The following PSTPIP1 variants were observed in gnomAD, a reference collection of about 807,000 sequenced individuals.
The protein encoded by PSTPIP1 is proline-serine-threonine phosphatase interacting protein 1, also known as proline-serine-threonine phosphatase-interacting protein 1.
In PSTPIP1, 66 loss-of-function variants were observed where a neutral mutation model predicts 69.6. That is an observed-to-expected ratio of 0.95 (90% confidence interval 0.78 to 1.16). The LOEUF is 1.16. Among genes scored for constraint, PSTPIP1 ranks in the 50% most tolerant of loss-of-function variants. PSTPIP1 has a pLI of 0.00. For synonymous variants in PSTPIP1, 266 were observed against 222.7 expected (o/e 1.19, Z -1.73); for missense variants, 603 against 557.4 (o/e 1.08, Z -0.82).
intron 1 of PSTPIP1, among the ~76,000 whole-genome samples, chr15:77,000,479 A>G (rs2075682613): frequency 6.7e-6 from 1 of 148,862 alleles, no homozygotes; most frequent in African/African-American, 2.5e-5. Flanking sequence ...ATATATATAC[A>G]CACACACACA....
rs1351984397 is a variant in PSTPIP1 at position 77,032,866 on chromosome 15, G to C, written c.843G>C (p.Pro281=). The change falls in exon 12 of 15, where the codon CCG becomes CCC. Residue 281 remains proline (P), a synonymous_variant. Coordinates refer to ENST00000558012, the MANE Select transcript of PSTPIP1 (RefSeq NM_003978.5). ...AKSTGTEPPA[P]VPYQNYYDRE... The stretch of plus-strand genomic sequence containing the variant: ...CTCACGGCTTGCTGTCTGCAGCTCC[G>C]GTGCCCTACCAGAACTATTACGATC... 2 of 1,581,778 alleles carry C rather than the reference G, an allele frequency of 1.3e-6. No homozygotes were observed. Among genetic ancestry groups the C allele is most frequent in the Non-Finnish European group, 1.7e-6 (2 of 1,164,494 alleles).
At chr15:77,036,179 C>T (rs1163428255) in intron 14 of PSTPIP1, among the ~76,000 whole-genome samples, 1 of 152,208 alleles carries the variant, frequency 6.6e-6, no homozygotes, top group East Asian at 1.9e-4. Flanking sequence ...TGTGCATGTA[C>T]TGACTGGAAG....
chr15:77,035,748 C>T (rs1225393708), intron 13 of PSTPIP1, 54 bp from the exon 14 acceptor site: 2 of 1,486,620 alleles, frequency 1.3e-6, no homozygotes, highest in Non-Finnish European at 1.8e-6. Context: ...AGTAGGACTT[C>T]CAGGGGCCAG....
chr15:77,031,145 C>T, intron 9 of PSTPIP1, 35 bp from the exon 10 acceptor site: 1 of 1,595,282 alleles, frequency 6.3e-7, no homozygotes, highest in Non-Finnish European at 8.6e-7. Flanking sequence ...CTGCAGCCGC[C>T]TCCTCACTGC....
chr15:77,033,528 C>T (rs934978428), intron 12 of PSTPIP1, among the ~76,000 whole-genome samples: 1 of 152,180 alleles, frequency 6.6e-6, no homozygotes, highest in Non-Finnish European at 1.5e-5. Flanking sequence ...GCACTATAGC[C>T]AGCTTAGGGA....
intron 14 of PSTPIP1, among the ~76,000 whole-genome samples, 171 bp from the exon 15 acceptor site, chr15:77,036,874 G>A (rs941013257): frequency 3.3e-5 from 5 of 152,134 alleles, no homozygotes; most frequent in Admixed American, 1.3e-4. Flanking sequence ...TGAGGGGGAT[G>A]GGAGGCCCGG....
In PSTPIP1 at chr15:76,995,172, GGCCCGGCCCGAGCT is replaced by G; in HGVS notation, c.-401_-388del. The G allele has an allele frequency of 2.5e-6, 3 of 1,192,106 alleles. No individual in the cohort carries two copies. The highest frequency in any genetic ancestry group is 3.2e-6 in the Non-Finnish European group (3 of 947,794). 73.8% of individuals were successfully genotyped at this position (1,192,106 alleles called of 1,614,324 possible). On this transcript the variant is annotated 5_prime_UTR_variant, in exon 1 of 15. Transcript: ENST00000558012. ...GGGCTGCCTGCCTGCCTGCCTGCCT[GGCCCGGCCCGAGCT>G]CCAGCCTGCCTCTTCCACTGGCCAC...
chr15:77,020,869 G>A (rs1030668585), intron 3 of PSTPIP1, among the ~76,000 whole-genome samples: 2 of 8,700 alleles, frequency 2.3e-4, no homozygotes, highest in Admixed American at 1.4e-3. Context: ...AGACTCCTGT[G>A]GGGGGGGGGG....
intron 1 of PSTPIP1, among the ~76,000 whole-genome samples, chr15:77,014,740 G>A (rs1017070136): frequency 2.6e-5 from 4 of 152,242 alleles, no homozygotes; most frequent in Non-Finnish European, 4.4e-5. Context: ...GGCCTGGGCC[G>A]TGGCTCACAC....
In PSTPIP1 at chr15:77,036,969, G is replaced by A. The variant is rs1484912532; in HGVS notation, c.1120-76G>A. The A allele has an allele frequency of 3.2e-6, 5 of 1,558,884 alleles. No homozygotes were observed. The African/African-American group carries it at 4.1e-5, about 13-fold the overall frequency. On this transcript the variant is annotated intron_variant, in intron 14 of 14. Transcript: ENST00000558012. ...CATGCCGCATTTACTGCTGGGTGGG[G>A]GAACGCCAGGCCCCTCCCTGCAGGC...
chr15:77,001,011 C>T (rs80246505), intron 1 of PSTPIP1, among the ~76,000 whole-genome samples: 2,876 of 152,232 alleles, frequency 0.019, 97 homozygotes, highest in African/African-American at 0.066. Flanking sequence ...TCGGGAACAC[C>T]TGTGGGTGTG....
intron 13 of PSTPIP1, 71 bp from the exon 14 acceptor site, chr15:77,035,731 C>A: frequency 6.5e-7 from 1 of 1,532,258 alleles, no homozygotes; most frequent in Non-Finnish European, 8.7e-7. Context: ...TGGAGAAACC[C>A]CATTCTAGTA....
chr15:77,018,205 G>T lies in PSTPIP1; in HGVS notation c.94G>T (p.Gly32Cys). The change falls in exon 2 of 15, where the codon GGC becomes TGC. Residue 32 changes from glycine (G) to cysteine (C), a missense_variant. By Grantham distance (159) the Gly-to-Cys change is radical. Transcript: ENST00000558012. Reference protein sequence around the residue: ...YEVLLQRLLDGRKMCKDMEEL... With the variant: ...YEVLLQRLLDCRKMCKDMEEL... ...GGTGCTGCTGCAGCGGCTTCTGGAT[G>T]GCAGGAAGATGTGCAAAGACATGGA... 1 of 1,589,856 alleles carries T rather than the reference G, an allele frequency of 6.3e-7. No individual in the cohort carries two copies. The highest frequency in any genetic ancestry group is 1.1e-5 in the South Asian group (1 of 86,974).
At chr15:77,000,458 GAGAT>G (rs1441195992) in intron 1 of PSTPIP1, among the ~76,000 whole-genome samples, 48 of 139,174 alleles carry the variant, frequency 3.4e-4, no homozygotes, top group South Asian at 9.0e-4. Context: ...CATTTAAAGA[GAGAT>G]ATATATATAT....
chr15:77,017,505 A>G (rs2076074454), intron 1 of PSTPIP1, among the ~76,000 whole-genome samples: 1 of 152,090 alleles, frequency 6.6e-6, no homozygotes, highest in Non-Finnish European at 1.5e-5. Context: ...GTCACCCTCC[A>G]TGCCCACCTC....
At chr15:77,012,136 TCCATCCATCCATCCATCCATCCAC>T (rs2075948929) in intron 1 of PSTPIP1, among the ~76,000 whole-genome samples, 6 of 119,846 alleles carry the variant, frequency 5.0e-5, no homozygotes, top group Non-Finnish European at 1.1e-4. Flanking sequence ...CATCCATCCA[TCCATCCATCCATCCATCCATCCAC>T]CCACCCACCC....
intron 1 of PSTPIP1, among the ~76,000 whole-genome samples, chr15:77,002,544 T>C (rs1421469171): frequency 6.6e-6 from 1 of 152,224 alleles, no homozygotes; most frequent in Non-Finnish European, 1.5e-5. Flanking sequence ...TTCCACATGC[T>C]CGGTGCATAT....
intron 1 of PSTPIP1, among the ~76,000 whole-genome samples, chr15:77,016,497 C>T (rs1420442237): frequency 6.6e-6 from 1 of 152,136 alleles, no homozygotes; most frequent in Admixed American, 6.5e-5. Context: ...TGGGGGTGGG[C>T]GCCTGCCTCT....
At position 76,995,528 on chromosome 15, in the gene PSTPIP1, C is replaced by T. The variant is rs1482524234; in HGVS notation, c.-46C>T. 6.2e-7 allele frequency: 1 copy of T among 1,613,502 alleles called. No individual in the cohort carries two copies. Among genetic ancestry groups the T allele is most frequent in the East Asian group, 2.2e-5 (1 of 44,898 alleles). ...GCTGGCGCCTGGCCCTCCATCAGGC[C>T]AGCCTGTGGCAGGAGAGTGAGCTTT... On this transcript the variant is annotated 5_prime_UTR_variant, in exon 1 of 15. Transcript: ENST00000558012.
Sources: gnomAD v4.1 joint callset for allele counts (sites outside exome capture counted in the v4.1 genomes callset) on GRCh38, gnomAD v4.1.1 for gene constraint, MANE v1.5 for transcripts, NCBI Gene and HGNC (gene_info 2026-07-23, HGNC 2026-07-21) for gene names.